SLC4A5: variants seen among roughly 807,000 people sequenced by gnomAD.
SLC4A5 encodes the protein solute carrier family 4 member 5, also known as electrogenic sodium bicarbonate cotransporter 4.
Under a neutral mutation model 120.4 loss-of-function variants are expected in SLC4A5, and 96 were observed. The observed-to-expected ratio is 0.80, with a 90% CI of 0.68 to 0.94. The LOEUF is 0.94. SLC4A5 is among the 40% of genes least tolerant of loss of function. SLC4A5 has a pLI of 0.00. For synonymous variants in SLC4A5, 550 were observed against 571.1 expected, an observed-to-expected ratio of 0.96 and a Z score of 0.53; for missense variants, 1,259 against 1,459.5, an observed-to-expected ratio of 0.86 and a Z score of 2.24.
At chr2:74,240,036 TAAA>T (rs1291930931) in intron 20 of SLC4A5, among the ~76,000 whole-genome samples, 12 of 147,528 alleles carry the variant, frequency 8.1e-5, no homozygotes, top group Non-Finnish European at 1.8e-4. Context: ...TATACATATA[TAAA>T]TTTATATATA....
chr2:74,341,325 A>G (rs1444300789), intron 2 of SLC4A5, among the ~76,000 whole-genome samples: 2 of 148,172 alleles, frequency 1.3e-5, no homozygotes, highest in Non-Finnish European at 3.0e-5. Context: ...AAAAAAAAAG[A>G]GTAAATGTAA....
intron 20 of SLC4A5, 80 bp downstream of exon 20, chr2:74,241,914 G>T: frequency 7.5e-7 from 1 of 1,341,598 alleles, no homozygotes; most frequent in Non-Finnish European, 1.0e-6. Flanking sequence ...GCCATAAGTT[G>T]GTCTCATTTC....
intron 20 of SLC4A5, among the ~76,000 whole-genome samples, chr2:74,241,385 C>T (rs913231715): frequency 1.1e-4 from 16 of 151,488 alleles, no homozygotes; most frequent in African/African-American, 3.6e-4. Flanking sequence ...TGTGCCTCAG[C>T]CTCTTGAGTA....
chr2:74,270,598 G>A (rs1001548995), intron 8 of SLC4A5, among the ~76,000 whole-genome samples: 7 of 152,182 alleles, frequency 4.6e-5, no homozygotes, highest in African/African-American at 9.6e-5. Flanking sequence ...GCGTGAACCC[G>A]GGAGGCGGAG....
At chr2:74,308,885 T>C (rs1460793487) in intron 6 of SLC4A5, among the ~76,000 whole-genome samples, 1 of 152,070 alleles carries the variant, frequency 6.6e-6, no homozygotes, top group Non-Finnish European at 1.5e-5. Flanking sequence ...CACTCTGAGA[T>C]GATTTTTTGA....
chr2:74,271,773 G>C (rs943241166), intron 8 of SLC4A5, among the ~76,000 whole-genome samples: 2 of 151,536 alleles, frequency 1.3e-5, no homozygotes, highest in Non-Finnish European at 2.9e-5. Context: ...GGGAAAAAAA[G>C]CTTAAAACTC....
At chr2:74,232,795 G>GT in intron 23 of SLC4A5, 148 bp from the exon 24 acceptor site, 1 of 986,596 alleles carries the variant, frequency 1.0e-6, no homozygotes, top group Admixed American at 2.8e-5. Context: ...GATTGCAGAG[G>GT]TGGGTGTGTC....
chr2:74,262,082 C>A, intron 11 of SLC4A5, 55 bp downstream of exon 11: 2 of 1,537,482 alleles, frequency 1.3e-6, no homozygotes, highest in South Asian at 2.3e-5. Flanking sequence ...GTGGCCATGT[C>A]ACAGCTGCCA....
At chr2:74,246,967 C>CT in intron 19 of SLC4A5, 69 bp downstream of exon 19, 5 of 1,566,568 alleles carry the variant, frequency 3.2e-6, no homozygotes, top group Non-Finnish European at 3.5e-6. Context: ...AAGTAGAGAG[C>CT]TGTGGTGAAG....
At chr2:74,289,362 G>C (rs1341601271) in intron 7 of SLC4A5, among the ~76,000 whole-genome samples, 1 of 151,278 alleles carries the variant, frequency 6.6e-6, no homozygotes, top group Non-Finnish European at 1.5e-5. Context: ...TTTTGCTTAG[G>C]CTGGAGTGCA....
At chr2:74,239,456 A>C in exon 21 of SLC4A5, 1 of 1,614,054 alleles carries the variant, frequency 6.2e-7, no homozygotes, top group Non-Finnish European at 8.5e-7. Context: ...GGAATTCCCA[A>C]GCAGGCGCCC....
intron 7 of SLC4A5, among the ~76,000 whole-genome samples, chr2:74,287,118 C>T (rs950920810): frequency 2.0e-5 from 3 of 152,230 alleles, no homozygotes; most frequent in African/African-American, 4.8e-5. Context: ...CAGGTCTTCC[C>T]TTCCTCCAGC....
At chr2:74,308,178 G>A (rs913651330) in intron 6 of SLC4A5, among the ~76,000 whole-genome samples, 1 of 152,232 alleles carries the variant, frequency 6.6e-6, no homozygotes, top group Admixed American at 6.5e-5. Context: ...GAATAGTGCA[G>A]CTCTAAACAT....
At chr2:74,227,160 A>T (rs1558865900) in intron 26 of SLC4A5, 30 bp from the exon 27 acceptor site, 8 of 1,578,436 alleles carry the variant, frequency 5.1e-6, no homozygotes, top group Non-Finnish European at 6.9e-6. Context: ...TCAGCCAGGC[A>T]GCCAGACCCC....
chr2:74,330,495 TGGTGGTGAGGTCTAGATGGA>T (rs1270677144), intron 4 of SLC4A5, among the ~76,000 whole-genome samples: 5 of 120,640 alleles, frequency 4.1e-5, no homozygotes, highest in Non-Finnish European at 1.8e-5. Flanking sequence ...GTGTAGATGG[TGGTGGTGAGGTCTAGATGGA>T]GGTGGTGAGG....
chr2:74,264,963 A>C (rs1227055878), intron 9 of SLC4A5, 141 bp downstream of exon 9: 15 of 925,042 alleles, frequency 1.6e-5, no homozygotes, highest in Non-Finnish European at 2.4e-5. Context: ...CCCTGGGAGC[A>C]ACAGAGTCAA....
At position 74,285,904 on chromosome 2, in the gene SLC4A5, T is replaced by G; in HGVS notation, c.272-2A>C. The stretch of plus-strand genomic sequence containing the variant: ...GGAGCTGCTCAGCAGCTGGGGACCC[T>G]GCAAAAGAGGGGCAGCAGGTCTGCT... On this transcript the variant is annotated splice_acceptor_variant, in intron 7 of 30. Coordinates refer to ENST00000394019, the Ensembl canonical transcript of SLC4A5. LOFTEE classifies it high-confidence loss of function. 6.3e-7 allele frequency: 1 copy of G among 1,592,316 alleles called. No homozygotes were observed. Among genetic ancestry groups the G allele is most frequent in the Non-Finnish European group, 8.6e-7 (1 of 1,169,134 alleles).
intron 7 of SLC4A5, among the ~76,000 whole-genome samples, chr2:74,301,379 C>CTCTATGT (rs1672472223): frequency 3.9e-5 from 6 of 152,148 alleles, no homozygotes; most frequent in Non-Finnish European, 8.8e-5. Context: ...TGTGCCTGAC[C>CTCTATGT]CTCAGGCCCA....
intron 2 of SLC4A5, among the ~76,000 whole-genome samples, chr2:74,341,888 G>T (rs938292756): frequency 6.6e-6 from 1 of 152,218 alleles, no homozygotes; most frequent in Non-Finnish European, 1.5e-5. Flanking sequence ...GCCCAACCCA[G>T]CTTATGTCCT....
Sources: gnomAD v4.1 joint callset for allele counts (sites outside exome capture counted in the v4.1 genomes callset) on GRCh38, gnomAD v4.1.1 for gene constraint, MANE v1.5 for transcripts, NCBI Gene and HGNC (gene_info 2026-07-23, HGNC 2026-07-21) for gene names.